SPG21: variants seen among roughly 807,000 people sequenced by gnomAD.
SPG21 encodes the protein maspardin.
A neutral mutation model predicts 38.9 loss-of-function variants in SPG21; 26 were observed. The observed-to-expected ratio is 0.67, with a 90% CI of 0.49 to 0.93. SPG21 has a LOEUF of 0.93. Among genes scored for constraint, SPG21 ranks in the 40% least tolerant of loss-of-function variants. SPG21 has a pLI of 0.00. For missense variants in SPG21, 333 were observed against 376.5 expected, an observed-to-expected ratio of 0.88 and a Z score of 0.96; for synonymous variants, 136 against 128.9, an observed-to-expected ratio of 1.05 and a Z score of -0.37.
chr15:64,963,363 T>C lies in SPG21; in HGVS notation c.*257A>G, dbSNP rs7322. On this transcript the variant is annotated 3_prime_UTR_variant, in exon 9 of 9. Transcript: ENST00000204566. ...TGGTGAAGACTTTTGGTAGCAAAAT[T>C]TGCACGGTTCTTAAAATGGGAGTCT... The C allele has an allele frequency of 0.55, 236,487 of 427,904 alleles. 68,783 individuals carry two copies. The highest frequency in any genetic ancestry group is 0.88 in the East Asian group (21,680 of 24,656). The allele number at this position is 427,904 out of a possible 1,614,324, so 26.5% of individuals were successfully genotyped here.
intron 1 of SPG21, among the ~76,000 whole-genome samples, chr15:64,983,831 G>A (rs561731428): frequency 6.7e-6 from 1 of 149,996 alleles, no homozygotes; most frequent in Admixed American, 6.6e-5. Context: ...TGCCCAGGCT[G>A]GAGTGCAGTG....
intron 5 of SPG21, 68 bp downstream of exon 5, chr15:64,974,534 T>C: frequency 6.3e-7 from 1 of 1,576,348 alleles, no homozygotes; most frequent in Admixed American, 1.7e-5. Flanking sequence ...CCCTTCCTAA[T>C]GTACCAAACA....
chr15:64,971,201 G>A (rs543707463), intron 5 of SPG21, among the ~76,000 whole-genome samples: 1 of 152,226 alleles, frequency 6.6e-6, no homozygotes, highest in South Asian at 2.1e-4. Flanking sequence ...GGGACTACGG[G>A]CTCGTACCAC....
chr15:64,970,884 C>T (rs965803642), intron 5 of SPG21, among the ~76,000 whole-genome samples: 2 of 152,082 alleles, frequency 1.3e-5, no homozygotes, highest in Non-Finnish European at 2.9e-5. Flanking sequence ...CGACTACAGG[C>T]ACATGCCACC....
rs534096759 is a variant in SPG21, at chr15:64,983,053, T to A, written c.63+454A>T. On this transcript the variant is annotated intron_variant, in intron 2 of 8. Coordinates refer to ENST00000204566, the MANE Select transcript of SPG21 (RefSeq NM_016630.7). Reference sequence around the variant, plus strand: ...TGGGCGGATCACTTGTGGTCAGGAGTTCGAGACCAGCCTGGCCAACATGGT... The same window carrying A: ...TGGGCGGATCACTTGTGGTCAGGAGATCGAGACCAGCCTGGCCAACATGGT... 8.9e-5 allele frequency: 17 copies of A among 191,010 alleles called. No individual in the cohort carries two copies. The South Asian group carries it at 9.9e-4, about 11-fold the overall frequency. The allele number at this position is 191,010 out of a possible 1,614,324, so 11.8% of individuals were successfully genotyped here.
At position 64,970,182 on chromosome 15, in the gene SPG21, G is replaced by C; in HGVS notation, c.493C>G (p.Leu165Val). 3.7e-6 allele frequency: 6 copies of C among 1,614,048 alleles called. No homozygotes were observed. The highest frequency in any genetic ancestry group is 5.1e-6 in the Non-Finnish European group (6 of 1,180,008). The change falls in exon 6 of 9, where the codon CTT (leucine) becomes GTT (valine). Residue 165 changes from leucine (L) to valine (V), a missense_variant. By Grantham distance (32) the Leu-to-Val change is conservative. Coordinates refer to ENST00000204566, the MANE Select transcript of SPG21 (RefSeq NM_016630.7). ...ACCGGGCCAGATGAAAAATTTCCAAGAACTATTTTTTTGAGCATAAATGCA... is the reference window on the plus strand; with the variant it reads ...ACCGGGCCAGATGAAAAATTTCCAACAACTATTTTTTTGAGCATAAATGCA... ...MPAFMLKKIV[L>V]GNFSSGPVDP...
At chr15:64,967,766 C>T (rs936684709) in intron 7 of SPG21, among the ~76,000 whole-genome samples, 10 of 152,044 alleles carry the variant, frequency 6.6e-5, no homozygotes, top group Non-Finnish European at 8.8e-5. Flanking sequence ...CCACCGCGCC[C>T]GGCCTAATTT....
At chr15:64,971,641 G>C (rs1220769218) in intron 5 of SPG21, among the ~76,000 whole-genome samples, 1 of 151,770 alleles carries the variant, frequency 6.6e-6, no homozygotes, top group African/African-American at 2.4e-5. Context: ...TTCAAGACCA[G>C]CCTGGCCAAG....
chr15:64,968,414 CATT>C (rs144731431), intron 7 of SPG21, among the ~76,000 whole-genome samples: 2,504 of 147,646 alleles, frequency 0.017, 29 homozygotes, highest in Admixed American at 0.024. Flanking sequence ...TCTTGTGAAA[CATT>C]ATGCTAAGTG....
At chr15:64,982,478 C>T (rs1037087858) in intron 2 of SPG21, among the ~76,000 whole-genome samples, 21 of 152,104 alleles carry the variant, frequency 1.4e-4, no homozygotes, top group Non-Finnish European at 2.4e-4. Flanking sequence ...GACAGAGTTT[C>T]GCTATGTTGC....
intron 5 of SPG21, 29 bp downstream of exon 5, chr15:64,974,573 C>T: frequency 6.2e-7 from 1 of 1,613,872 alleles, no homozygotes. Flanking sequence ...CAAAATTTCA[C>T]TGAACAAAAA....
At chr15:64,977,487 T>C (rs765858892) in intron 3 of SPG21, among the ~76,000 whole-genome samples, 12 of 151,890 alleles carry the variant, frequency 7.9e-5, no homozygotes, top group Non-Finnish European at 1.5e-4. Context: ...AGCCCCCCGG[T>C]AGCTGGAATC....
chr15:64,989,332 A>G (rs1425431252), intron 1 of SPG21: 2 of 152,232 alleles, frequency 1.3e-5, no homozygotes, highest in Non-Finnish European at 2.9e-5. Flanking sequence ...GCAGTCGTGT[A>G]GCCCCAGGAT....
At chr15:64,965,848 T>A (rs59445471) in intron 7 of SPG21, among the ~76,000 whole-genome samples, 115 of 152,068 alleles carry the variant, frequency 7.6e-4, no homozygotes, top group African/African-American at 2.7e-3. Flanking sequence ...ACTACAGGCA[T>A]GCGCCATCAC....
At chr15:64,975,896 T>C (rs2085763387) in intron 4 of SPG21, among the ~76,000 whole-genome samples, 1 of 152,062 alleles carries the variant, frequency 6.6e-6, no homozygotes, top group African/African-American at 2.4e-5. Flanking sequence ...ATGTAAAATA[T>C]CTAGAATAGG....
intron 7 of SPG21, among the ~76,000 whole-genome samples, chr15:64,966,723 C>A (rs2085547343): frequency 6.6e-6 from 1 of 152,032 alleles, no homozygotes; most frequent in Admixed American, 6.6e-5. Context: ...CATGGTGAAA[C>A]CCTGCCTCTA....
At chr15:64,968,129 C>T (rs1184008556) in intron 7 of SPG21, among the ~76,000 whole-genome samples, 2 of 152,046 alleles carry the variant, frequency 1.3e-5, no homozygotes, top group African/African-American at 4.8e-5. Flanking sequence ...AGGCAGACAG[C>T]TTGAGTCCCA....
At position 64,965,350 on chromosome 15, in the gene SPG21, G is replaced by A; in HGVS notation, c.780C>T (p.Cys260=). ...CATAAAGATTGACCTCTGCACTTCT[G>A]CACAGGTATGGGAAATTGCCTCCTG... ...LKTGGNFPYL[C]RSAEVNLYVQ... Residue 260 remains cysteine, a synonymous_variant, in exon 8 of 9, where the codon TGC becomes TGT. Transcript: ENST00000204566. 2 of 1,614,148 alleles carry A rather than the reference G, an allele frequency of 1.2e-6. No homozygotes were observed. Among genetic ancestry groups the A allele is most frequent in the East Asian group, 2.2e-5 (1 of 44,884 alleles).
intron 8 of SPG21, 64 bp from the exon 9 acceptor site, chr15:64,963,800 A>G: frequency 1.4e-6 from 2 of 1,460,040 alleles, no homozygotes; most frequent in Non-Finnish European, 1.9e-6. Flanking sequence ...CTTGTTGCCC[A>G]GGCTGGAGTG....
Sources: allele counts gnomAD v4.1 joint callset (sites outside exome capture counted in the v4.1 genomes callset), GRCh38; gene constraint gnomAD v4.1.1; transcripts MANE v1.5; gene names NCBI Gene and HGNC (gene_info 2026-07-23, HGNC 2026-07-21).